The following TTN variants were observed in gnomAD, a reference collection of about 807,000 sequenced individuals.
The protein encoded by TTN is connectin.
In TTN, 1,525 loss-of-function variants were observed where a neutral mutation model predicts 3,223.0. That is an observed-to-expected ratio of 0.47 (90% CI 0.45 to 0.49). The LOEUF is 0.49. Ranked by LOEUF, TTN falls within the 20% of genes least tolerant of loss-of-function variation. The pLI, the probability that TTN is intolerant of heterozygous loss-of-function variation, is 0.00. For synonymous variants in TTN, 14,094 were observed against 15,161.0 expected, an observed-to-expected ratio of 0.93 and a Z score of 5.17; for missense variants, 40,786 against 43,424.0, an observed-to-expected ratio of 0.94 and a Z score of 5.40.
intron 279 of TTN, 36 bp downstream of exon 279, chr2:178,605,378 A>T (rs755529430): frequency 1.4e-5 from 22 of 1,543,858 alleles, no homozygotes; most frequent in Middle Eastern, 1.7e-4. Context: ...ACACTGTAAA[A>T]TGCATTAAAA....
At chr2:178,724,751 TTTG>T (rs919573747) in intron 71 of TTN, 14 of 472,242 alleles carry the variant, frequency 3.0e-5, no homozygotes, top group African/African-American at 1.2e-4. Context: ...TTCTTTATTT[TTTG>T]TTTTTCCCAC....
At chr2:178,790,939 T>G in intron 10 of TTN, 94 bp from the exon 11 acceptor site, 4 of 1,466,358 alleles carry the variant, frequency 2.7e-6, no homozygotes, top group Admixed American at 1.8e-5. Context: ...ACAGGATGCT[T>G]AGTGGTGAAC....
Position 178,560,364 on chromosome 2 carries a change from G to T in TTN, c.85768C>A (p.Arg28590=), listed in dbSNP as rs748689777. The T allele has an allele frequency of 1.9e-5, 31 of 1,613,338 alleles. No individual in the cohort carries two copies. Among genetic ancestry groups the T allele is most frequent in the Non-Finnish European group, 2.5e-5 (30 of 1,179,744 alleles). The change falls in exon 326 of 363, where the codon CGA becomes AGA. Residue 28590 remains arginine, a synonymous_variant. Coordinates refer to ENST00000589042, the MANE Select transcript of TTN (RefSeq NM_001267550.2). ...SEISGYIIER[R]EKNSLRWVRV... is the part of the protein sequence containing the mutation. The stretch of plus-strand genomic sequence containing the variant: ...ACCCATCTTAGGCTATTTTTCTCTC[G>T]CCTTTCAATTATATATCCAGATATT...
chr2:178,709,275 CA>C (rs2076311339), intron 99 of TTN, among the ~76,000 whole-genome samples: 1 of 152,064 alleles, frequency 6.6e-6, no homozygotes, highest in Non-Finnish European at 1.5e-5. Flanking sequence ...GTCACATATG[CA>C]CACATTTCAG....
At position 178,719,448 on chromosome 2, in the gene TTN, C is replaced by T. The variant is rs772430122; in HGVS notation, c.23942G>A (p.Arg7981Gln). 21 of 1,611,016 alleles carry T rather than the reference C, an allele frequency of 1.3e-5. No homozygotes were observed. The highest frequency in any genetic ancestry group is 2.2e-5 in the East Asian group (1 of 44,842). Residue 7981 changes from arginine to glutamine, a missense_variant, in exon 83 of 363, where the codon CGG becomes CAG. Arg to Gln is a conservative substitution (Grantham distance 43, BLOSUM62 1). Transcript: ENST00000589042. ...NCTVSVHVSD[R>Q]IVPPSFIRKL... The stretch of plus-strand genomic sequence containing the variant: ...GCGGATGAAGGAAGGAGGCACAATC[C>T]GATCTATGTGGGGAAGGGTAGTTTT...
rs1392999145 is a variant in TTN, at chr2:178,584,644, T to C, written c.64972+25A>G. ...GTAACAAACTAGAAAGAAAACAACT[T>C]TTTTTCTCCTTCACAAAAACATACC... On this transcript the variant is annotated intron_variant, in intron 310 of 362. Coordinates refer to ENST00000589042, the MANE Select transcript of TTN (RefSeq NM_001267550.2). 3.1e-6 allele frequency: 5 copies of C among 1,610,466 alleles called. No individual in the cohort carries two copies. In the East Asian group the frequency reaches 8.9e-5, roughly 29 times the overall value.
At position 178,713,089 on chromosome 2, in the gene TTN, C is replaced by T. The variant is rs769752606; in HGVS notation, c.27045G>A (p.Val9015=). ...TTTACTGTTTTGTAAACTGACCTCT[C>T]ACAGTCAAAGGAGCACTACATTCAT... The part of the protein sequence containing the change: ...GSDECSAPLT[V]REPPSFVQKP... The change falls in exon 93 of 363, where the codon GTG becomes GTA. Residue 9015 remains valine, a synonymous_variant. Transcript: ENST00000589042. 6.2e-7 allele frequency: 1 copy of T among 1,611,800 alleles called. No homozygotes were observed. The highest frequency in any genetic ancestry group is 1.3e-5 in the African/African-American group (1 of 74,882).
rs751859793 is a variant in TTN, at chr2:178,800,686, C to G, written c.296-4G>C. On this transcript the variant is annotated splice_polypyrimidine_tract_variant and splice_region_variant and intron_variant, in intron 3 of 362. Transcript: ENST00000589042. ...AAGTTGGGTGGTGCTGTCTCAGCTGCGGGGACAAGAGAACAAAGTCAAGAG... is the reference window on the plus strand; with the variant it reads ...AAGTTGGGTGGTGCTGTCTCAGCTGGGGGGACAAGAGAACAAAGTCAAGAG... The G allele has an allele frequency of 6.2e-7, 1 of 1,603,760 alleles. No homozygotes were observed. Among genetic ancestry groups the G allele is most frequent in the Non-Finnish European group, 8.5e-7 (1 of 1,175,208 alleles).
In TTN at chr2:178,774,643, T is replaced by C. The variant is rs571608571; in HGVS notation, c.6791-170A>G. 11 of 711,264 alleles carry C rather than the reference T, an allele frequency of 1.5e-5. No individual in the cohort carries two copies. The African/African-American group carries it at 2.0e-4, about 13-fold the overall frequency. 44.1% of individuals were successfully genotyped at this position (711,264 alleles called of 1,614,324 possible). ...ATAAATTTTCAATAAGAAGCAGTTA[T>C]TTTATTTTAATTTTTAAATATTTTT... On this transcript the variant is annotated intron_variant, in intron 29 of 362. Coordinates refer to ENST00000589042, the MANE Select transcript of TTN (RefSeq NM_001267550.2).
rs758773000 is a variant in TTN, at chr2:178,774,908, C to T, written c.6790+13G>A. ...AGCTTAGGTAAACAATGAAATCCTT[C>T]GTTGTTGAATACCTTCAACAATAAG... On this transcript the variant is annotated intron_variant, in intron 29 of 362. Transcript: ENST00000589042. The T allele has an allele frequency of 3.7e-6, 6 of 1,613,078 alleles. No individual in the cohort carries two copies. Among genetic ancestry groups the T allele is most frequent in the East Asian group, 2.2e-5 (1 of 44,804 alleles).
In TTN at chr2:178,695,517, T is replaced by C. The variant is rs1577554399; in HGVS notation, c.31208-107A>G. ...AAGGATAATATATAATCGTGTGAAG[T>C]ATTATATTTGGGATCGTTATTACCA... On this transcript the variant is annotated intron_variant, in intron 114 of 362. Coordinates refer to ENST00000589042, the MANE Select transcript of TTN (RefSeq NM_001267550.2). 6.9e-6 allele frequency: 6 copies of C among 872,182 alleles called. No homozygotes were observed. In the East Asian group the frequency reaches 1.5e-4, roughly 22 times the overall value. The allele number at this position is 872,182 out of a possible 1,614,324, so 54.0% of individuals were successfully genotyped here.
intron 295 of TTN, 76 bp downstream of exon 295, chr2:178,595,430 CA>C: frequency 7.4e-7 from 1 of 1,359,784 alleles, no homozygotes; most frequent in Non-Finnish European, 1.0e-6. Context: ...GGCATTTATA[CA>C]CATATTTTTT....
chr2:178,568,584 G>A lies in TTN; in HGVS notation c.77548C>T (p.Leu25850=). 6.2e-7 allele frequency: 1 copy of A among 1,613,444 alleles called. No homozygotes were observed. Among genetic ancestry groups the A allele is most frequent in the Non-Finnish European group, 8.5e-7 (1 of 1,179,580 alleles). ...QTTRINVTDS[L]DLTTLSIKET... is the part of the protein sequence containing the mutation. ...TTAATACTGAGTGTGGTGAGATCCA[G>A]TGAATCGGTAACATTGATTCTTGTG... is the stretch of plus-strand genomic sequence containing the variant. Residue 25850 remains leucine, a synonymous_variant, in exon 326 of 363, where the codon CTG becomes TTG. Coordinates refer to ENST00000589042, the MANE Select transcript of TTN (RefSeq NM_001267550.2).
chr2:178,663,579 A>T (rs766085531), intron 171 of TTN, 48 bp downstream of exon 171: 208 of 1,613,514 alleles, frequency 1.3e-4, no homozygotes, highest in Non-Finnish European at 1.7e-4. Flanking sequence ...AATATTTTCC[A>T]GAGCAGAAGA....
intron 311 of TTN, 33 bp from the exon 312 acceptor site, chr2:178,583,939 C>A: frequency 6.8e-7 from 1 of 1,481,448 alleles, no homozygotes; most frequent in East Asian, 2.4e-5. Flanking sequence ...CACCATTTAT[C>A]TTACCAGCAG....
Position 178,725,965 on chromosome 2 carries a change from C to T in TTN, c.20357G>A (p.Gly6786Glu). 6.2e-7 allele frequency: 1 copy of T among 1,611,394 alleles called. No individual in the cohort carries two copies. Among genetic ancestry groups the T allele is most frequent in the Non-Finnish European group, 8.5e-7 (1 of 1,178,562 alleles). The part of the protein sequence containing the change: ...AEVSLECELS[G>E]TPPFEVVWYK... ...CCATACCACCTCAAACGGTGGTGTT[C>T]CCGAAAGTTCACATTCAAGACTGAC... is the stretch of plus-strand genomic sequence containing the variant. The change falls in exon 70 of 363, where the codon GGA (glycine) becomes GAA (glutamate). Residue 6786 changes from glycine to glutamate, a missense_variant. Gly to Glu is a moderately conservative substitution (Grantham distance 98, BLOSUM62 -2). Transcript: ENST00000589042.
Position 178,578,601 on chromosome 2 carries a change from A to C in TTN, c.68329+10T>G, listed in dbSNP as rs2046992814. The C allele has an allele frequency of 3.1e-6, 5 of 1,601,418 alleles. No individual in the cohort carries two copies. Among genetic ancestry groups the C allele is most frequent in the Non-Finnish European group, 4.3e-6 (5 of 1,171,088 alleles). On this transcript the variant is annotated intron_variant, in intron 321 of 362. Transcript: ENST00000589042. ...ATGTAAAAGCTGTAGGATAAGAACA[A>C]ACAAAATACCTGTAATTGGAGAACC...
intron 106 of TTN, among the ~76,000 whole-genome samples, chr2:178,703,892 G>C (rs954935866): frequency 1.3e-5 from 2 of 152,150 alleles, no homozygotes; most frequent in African/African-American, 4.8e-5. Context: ...ACTTTAGACA[G>C]AAATAACTGT....
rs779146599 is a variant in TTN, at chr2:178,572,940, G to A, written c.73192C>T (p.Arg24398Cys). ...CCTTCGGAATTCATGGCATAGATGC[G>A]GATCTTATATTCCTGATTCTCTGTG... ...GLTENQEYKI[R>C]IYAMNSEGLG... The change falls in exon 326 of 363, where the codon CGC becomes TGC. Residue 24398 changes from arginine (R) to cysteine (C), a missense_variant. Physicochemically the swap from Arg to Cys is radical, Grantham distance 180. Transcript: ENST00000589042. 19 of 1,613,198 alleles carry A rather than the reference G, an allele frequency of 1.2e-5. No individual in the cohort carries two copies. The highest frequency in any genetic ancestry group is 1.7e-4 in the Middle Eastern group (1 of 6,054).
Sources: allele counts gnomAD v4.1 joint callset (sites outside exome capture counted in the v4.1 genomes callset), GRCh38; gene constraint gnomAD v4.1.1; transcripts MANE v1.5; gene names NCBI Gene and HGNC (gene_info 2026-07-23, HGNC 2026-07-21).